Variants in EEFSEC observed in about 807,000 individuals in gnomAD.
The protein encoded by EEFSEC is eukaryotic elongation factor, selenocysteine-tRNA specific.
A neutral mutation model predicts 42.1 loss-of-function variants in EEFSEC; 43 were observed. That is an observed-to-expected ratio of 1.02 (90% CI 0.80 to 1.32). EEFSEC has a LOEUF of 1.32. Ranked by LOEUF, EEFSEC falls within the 40% of genes most tolerant of loss-of-function variation. The pLI is 0.00. For missense variants in EEFSEC, 745 were observed against 803.6 expected (o/e 0.93, Z 0.88); for synonymous variants, 354 against 339.1 (o/e 1.04, Z -0.48).
chr3:128,173,483 C>T (rs972882200), intron 1 of EEFSEC, among the ~76,000 whole-genome samples: 11 of 152,198 alleles, frequency 7.2e-5, no homozygotes, highest in East Asian at 1.9e-4. Flanking sequence ...AATGGCGCAC[C>T]GGAGAGATAT....
At chr3:128,233,888 G>A (rs573912397) in intron 1 of EEFSEC, among the ~76,000 whole-genome samples, 3 of 152,288 alleles carry the variant, frequency 2.0e-5, no homozygotes, top group African/African-American at 7.2e-5. Flanking sequence ...CTGCACCTGT[G>A]TGTGTGAATA....
At chr3:128,329,989 G>A (rs1417148532) in intron 4 of EEFSEC, among the ~76,000 whole-genome samples, 1 of 152,200 alleles carries the variant, frequency 6.6e-6, no homozygotes, top group Admixed American at 6.5e-5. Context: ...TTCTGGCTCA[G>A]CCCTGAAAAC....
chr3:128,265,079 C>T (rs1268427732), intron 4 of EEFSEC, among the ~76,000 whole-genome samples: 2 of 152,076 alleles, frequency 1.3e-5, no homozygotes, highest in Non-Finnish European at 2.9e-5. Context: ...AACTGAGGCT[C>T]CAGAAGGTGA....
chr3:128,287,824 AC>A (rs1484617219), intron 4 of EEFSEC, among the ~76,000 whole-genome samples: 1 of 152,196 alleles, frequency 6.6e-6, no homozygotes, highest in Non-Finnish European at 1.5e-5. Flanking sequence ...TATAGTTCCT[AC>A]CCTATTACCA....
intron 5 of EEFSEC, among the ~76,000 whole-genome samples, chr3:128,346,418 C>G (rs971446277): frequency 3.3e-5 from 5 of 152,172 alleles, no homozygotes; most frequent in African/African-American, 7.2e-5. Context: ...ATGAAATATA[C>G]TGTTTTAAGT....
chr3:128,338,644 CAA>C (rs1407872038), intron 4 of EEFSEC, among the ~76,000 whole-genome samples: 1 of 152,164 alleles, frequency 6.6e-6, no homozygotes, highest in African/African-American at 2.4e-5. Context: ...AGGATTCATT[CAA>C]GAGTCCCTTG....
At chr3:128,250,856 C>G (rs1488119018) in intron 2 of EEFSEC, among the ~76,000 whole-genome samples, 1 of 145,394 alleles carries the variant, frequency 6.9e-6, no homozygotes, top group Non-Finnish European at 1.5e-5. Context: ...ATTAAATCTT[C>G]TAATCCATGA....
chr3:128,290,946 G>A (rs914773395), intron 4 of EEFSEC, among the ~76,000 whole-genome samples: 6 of 151,544 alleles, frequency 4.0e-5, no homozygotes, highest in African/African-American at 7.3e-5. Flanking sequence ...ATGGGGTTTC[G>A]CCATATTGGC....
chr3:128,393,220 C>T (rs1304637837), intron 6 of EEFSEC, among the ~76,000 whole-genome samples: 2 of 152,186 alleles, frequency 1.3e-5, no homozygotes, highest in Non-Finnish European at 2.9e-5. Context: ...ACCCATTTCA[C>T]AGACAAGGAG....
chr3:128,344,937 A>C (rs2067294957), intron 5 of EEFSEC, among the ~76,000 whole-genome samples: 1 of 152,234 alleles, frequency 6.6e-6, no homozygotes, highest in Non-Finnish European at 1.5e-5. Flanking sequence ...TGATTGGCTG[A>C]GTTTGTTCCA....
At chr3:128,394,820 C>T (rs565245759) in intron 6 of EEFSEC, among the ~76,000 whole-genome samples, 1 of 152,298 alleles carries the variant, frequency 6.6e-6, no homozygotes, top group African/African-American at 2.4e-5. Context: ...GGGGTGAGTC[C>T]TAGCCCCACA....
chr3:128,378,858 G>C (rs2067739910), intron 6 of EEFSEC, among the ~76,000 whole-genome samples: 1 of 152,204 alleles, frequency 6.6e-6, no homozygotes, highest in African/African-American at 2.4e-5. Flanking sequence ...GGATGTACTT[G>C]TGACCCCTGA....
At chr3:128,243,100 AC>A (rs35408511) in intron 1 of EEFSEC, among the ~76,000 whole-genome samples, 1 of 152,124 alleles carries the variant, frequency 6.6e-6, no homozygotes, top group African/African-American at 2.4e-5. Context: ...CCTGGTGATG[AC>A]CCCGGGTTTC....
Position 128,309,827 on chromosome 3 carries a change from G to A in EEFSEC, c.787-31406G>A, listed in dbSNP as rs572866864. Among the ~76,000 whole-genome samples, 6 of 152,290 alleles carry A rather than the reference G, an allele frequency of 3.9e-5. No homozygotes were observed. In the East Asian group the frequency reaches 1.2e-3, roughly 29 times the overall value. On this transcript the variant is annotated intron_variant, in intron 4 of 6. Transcript: ENST00000254730. Reference sequence around the variant, plus strand: ...GAAGGGCCTGGACACACCGATTCTTGGCGCCCACTCTGGGGCCTCAGAGTT... The same window carrying A: ...GAAGGGCCTGGACACACCGATTCTTAGCGCCCACTCTGGGGCCTCAGAGTT...
chr3:128,172,874 G>A (rs986013389), intron 1 of EEFSEC, among the ~76,000 whole-genome samples: 1 of 152,212 alleles, frequency 6.6e-6, no homozygotes, highest in Admixed American at 6.5e-5. Context: ...GAAAAGCTGG[G>A]TTCCGAGGCT....
At chr3:128,168,558 T>C (rs2065264158) in intron 1 of EEFSEC, among the ~76,000 whole-genome samples, 1 of 152,186 alleles carries the variant, frequency 6.6e-6, no homozygotes, top group South Asian at 2.1e-4. Flanking sequence ...TCTGAGTGAG[T>C]ATCCCTCTGT....
chr3:128,404,611 A>G (rs1387047596), intron 6 of EEFSEC, among the ~76,000 whole-genome samples: 1 of 152,200 alleles, frequency 6.6e-6, no homozygotes, highest in East Asian at 1.9e-4. Context: ...TCAGGGAGTC[A>G]GATACCTACA....
At chr3:128,250,059 T>C (rs1280383237) in intron 2 of EEFSEC, among the ~76,000 whole-genome samples, 1 of 152,202 alleles carries the variant, frequency 6.6e-6, no homozygotes, top group African/African-American at 2.4e-5. Flanking sequence ...TTTTGAGAAA[T>C]ATCTATTCAA....
At chr3:128,293,674 A>AAAAAC (rs1553752134) in intron 4 of EEFSEC, among the ~76,000 whole-genome samples, 2 of 149,410 alleles carry the variant, frequency 1.3e-5, no homozygotes, top group Admixed American at 6.7e-5. Context: ...AAAAAAAAAA[A>AAAAAC]AAAAAAAAAA....
Sources: gnomAD v4.1 joint callset for allele counts (sites outside exome capture counted in the v4.1 genomes callset) on GRCh38, gnomAD v4.1.1 for gene constraint, MANE v1.5 for transcripts, NCBI Gene and HGNC (gene_info 2026-07-23, HGNC 2026-07-21) for gene names.